The following RYK variants were observed in gnomAD, a reference collection of about 807,000 sequenced individuals.
RYK encodes the protein inactive tyrosine-protein kinase RYK.
RYK carries 21 observed loss-of-function variants against 70.2 expected under a neutral mutation model. The ratio of observed to expected loss-of-function variants is 0.30; its 90% confidence interval spans 0.21 to 0.43. The LOEUF (loss-of-function observed/expected upper bound fraction) is 0.43, where lower values mean the gene tolerates loss of function less well. Among genes scored for constraint, RYK ranks in the 20% least tolerant of loss-of-function variants. The pLI is 1.00. For synonymous variants in RYK, 267 were observed against 278.0 expected (o/e 0.96, Z 0.39); for missense variants, 604 against 753.3 (o/e 0.80, Z 2.32).
chr3:134,177,819 A>AT (rs1426077148), intron 11 of RYK, 122 bp downstream of exon 11: 1 of 802,054 alleles, frequency 1.2e-6, no homozygotes, highest in East Asian at 2.7e-5. Context: ...CTTGTGGTTC[A>AT]TTTTGAGGTT....
At chr3:134,243,437 C>T (rs888915721) in intron 1 of RYK, among the ~76,000 whole-genome samples, 9 of 152,276 alleles carry the variant, frequency 5.9e-5, no homozygotes, top group African/African-American at 1.7e-4. Context: ...AAGTTATCTT[C>T]CCTATAACCC....
Position 134,163,507 on chromosome 3 carries a change from CAT to C in RYK, c.1576-4136_1576-4135del, listed in dbSNP as rs2012551791. 3.9e-5 allele frequency among the ~76,000 whole-genome samples: 6 copies of C among 152,260 alleles called. No individual in the cohort carries two copies. The South Asian group carries it at 1.2e-3, about 32-fold the overall frequency. On this transcript the variant is annotated intron_variant, in intron 13 of 14. Transcript: ENST00000623711. ...ATTCATCTTATTCCTCTCCCCAGAA[CAT>C]GTTATTTTACAGCTTCTATATATAA...
At chr3:134,248,382 A>G (rs2015526005) in intron 1 of RYK, among the ~76,000 whole-genome samples, 1 of 152,252 alleles carries the variant, frequency 6.6e-6, no homozygotes, top group African/African-American at 2.4e-5. Context: ...CAACCTTTGA[A>G]TAAGGTAACA....
At chr3:134,246,301 AATAC>A (rs777132081) in intron 1 of RYK, among the ~76,000 whole-genome samples, 8,060 of 103,386 alleles carry the variant, frequency 0.078, 413 homozygotes, top group East Asian at 0.1. Context: ...CTCAGAAAGA[AATAC>A]ACACACACAC....
chr3:134,241,343 C>CT (rs1454016897), intron 1 of RYK, among the ~76,000 whole-genome samples: 1 of 146,180 alleles, frequency 6.8e-6, no homozygotes, highest in East Asian at 2.1e-4. Context: ...GAGCAAGACT[C>CT]TATCTCAAAA....
At chr3:134,162,897 T>C (rs1230124681) in intron 13 of RYK, among the ~76,000 whole-genome samples, 1 of 152,130 alleles carries the variant, frequency 6.6e-6, no homozygotes, top group Non-Finnish European at 1.5e-5. Flanking sequence ...GAAGAAACCA[T>C]GGGAATTGGT....
chr3:134,170,914 T>C, intron 13 of RYK: 1 of 158,626 alleles, frequency 6.3e-6, no homozygotes, highest in Non-Finnish European at 1.4e-5. Flanking sequence ...AAAAGCAGCT[T>C]TGCATCACAA....
intron 2 of RYK, 34 bp from the exon 3 acceptor site, chr3:134,211,641 T>A (rs781435442): frequency 9.1e-6 from 13 of 1,431,360 alleles, no homozygotes; most frequent in Non-Finnish European, 1.2e-5. Flanking sequence ...AAAATGGACC[T>A]GTGATAACAA....
intron 1 of RYK, among the ~76,000 whole-genome samples, chr3:134,231,447 T>G (rs1412321657): frequency 6.6e-6 from 1 of 152,200 alleles, no homozygotes; most frequent in Non-Finnish European, 1.5e-5. Flanking sequence ...GGGAATATTC[T>G]TTTTGAACAT....
Position 134,158,083 on chromosome 3 carries a change from G to T in RYK, c.*70C>A. ...CTGTTGGCGTTGTGTTAGATACAAA[G>T]CATCCCTGACAGGCTTCAAGTGAGC... On this transcript the variant is annotated 3_prime_UTR_variant, in exon 15 of 15. Transcript: ENST00000623711. 1 of 742,920 alleles carries T rather than the reference G, an allele frequency of 1.3e-6. No individual in the cohort carries two copies. The allele number at this position is 742,920 out of a possible 1,614,324, so 46.0% of individuals were successfully genotyped here. A position where few individuals can be genotyped will look rare whatever the true frequency, so the allele number is the denominator to read the frequency against.
chr3:134,224,176 C>G (rs931697618), intron 1 of RYK, among the ~76,000 whole-genome samples: 1 of 152,010 alleles, frequency 6.6e-6, no homozygotes, highest in East Asian at 1.9e-4. Flanking sequence ...ATGTGGAGAC[C>G]GGTAGTGGCC....
At position 134,249,917 on chromosome 3, in the gene RYK, GTTTTT is replaced by G. The variant is rs71624038; in HGVS notation, c.232+501_232+505del. ...TATAACCTCCCCTTCTTTCTCTCTCGTTTTTTTTTTTTTTTTTTTTTTTTTTGTAA... is the reference window on the plus strand; with the variant it reads ...TATAACCTCCCCTTCTTTCTCTCTCGTTTTTTTTTTTTTTTTTTTTTGTAA... On this transcript the variant is annotated intron_variant, in intron 1 of 14. Coordinates refer to ENST00000623711, the MANE Select transcript of RYK (RefSeq NM_002958.4). 1.4e-3 allele frequency among the ~76,000 whole-genome samples: 131 copies of G among 93,334 alleles called. 3 individuals carry two copies. Among genetic ancestry groups the G allele is most frequent in the African/African-American group, 5.6e-3 (106 of 18,900 alleles). The allele number at this position is 93,334 out of a possible 152,430, so 61.2% of individuals were successfully genotyped here.
intron 9 of RYK, among the ~76,000 whole-genome samples, chr3:134,187,970 C>T (rs527703983): frequency 1.4e-4 from 22 of 151,856 alleles, no homozygotes; most frequent in Admixed American, 9.8e-4. Context: ...AGCCATATGC[C>T]TGCATAAATA....
intron 1 of RYK, among the ~76,000 whole-genome samples, chr3:134,241,240 C>T (rs1338559469): frequency 4.0e-5 from 6 of 150,538 alleles, no homozygotes; most frequent in African/African-American, 1.2e-4. Flanking sequence ...TCCCAAGCTA[C>T]TCAGGAGCCT....
intron 10 of RYK, chr3:134,178,333 T>G (rs1437172055): frequency 3.0e-6 from 1 of 332,438 alleles, no homozygotes; most frequent in African/African-American, 2.2e-5. Context: ...TGGGCTGGAT[T>G]CTCTGAAGGC....
rs2015211934 is a variant in RYK at position 134,236,910 on chromosome 3, T to C, written c.232+13513A>G. Among the ~76,000 whole-genome samples the C allele has an allele frequency of 2.6e-5, 4 of 152,284 alleles. No individual in the cohort carries two copies. The South Asian group carries it at 8.3e-4, about 32-fold the overall frequency. ...AATGCACAGAATTTTTAAATTCTGA[T>C]TTAGGATGAAAATACTTCAGCTGTT... is the stretch of plus-strand genomic sequence containing the variant. On this transcript the variant is annotated intron_variant, in intron 1 of 14. Coordinates refer to ENST00000623711, the MANE Select transcript of RYK (RefSeq NM_002958.4).
At chr3:134,248,281 C>T (rs1288967041) in intron 1 of RYK, among the ~76,000 whole-genome samples, 3 of 152,200 alleles carry the variant, frequency 2.0e-5, no homozygotes, top group Non-Finnish European at 4.4e-5. Context: ...TTCCTACCCT[C>T]CCAGCAACAG....
chr3:134,184,574 A>G (rs1332363991), intron 9 of RYK, among the ~76,000 whole-genome samples: 1 of 152,162 alleles, frequency 6.6e-6, no homozygotes, highest in Non-Finnish European at 1.5e-5. Context: ...CAGCCTGAGC[A>G]ATACAACAAG....
At position 134,159,781 on chromosome 3, in the gene RYK, G is replaced by A. The variant is rs185043018; in HGVS notation, c.1576-408C>T. On this transcript the variant is annotated intron_variant, in intron 13 of 14. Transcript: ENST00000623711. ...ATCCTAAGTGAAATACGCAAATGAG[G>A]GGAAATATAAGAAGTCATGGATTTT... Among the ~76,000 whole-genome samples the A allele has an allele frequency of 5.3e-5, 8 of 152,194 alleles. No homozygotes were observed. In the East Asian group the frequency reaches 1.5e-3, roughly 29 times the overall value.
Sources: allele counts gnomAD v4.1 joint callset (sites outside exome capture counted in the v4.1 genomes callset), GRCh38; gene constraint gnomAD v4.1.1; transcripts MANE v1.5; gene names NCBI Gene and HGNC (gene_info 2026-07-23, HGNC 2026-07-21).